PRMT8: variants seen among roughly 807,000 people sequenced by gnomAD.
The protein encoded by PRMT8 is protein arginine methyltransferase 8.
A neutral mutation model predicts 47.1 loss-of-function variants in PRMT8; 7 were observed. The observed-to-expected ratio is 0.15, with a 90% CI of 0.08 to 0.28. The LOEUF is 0.28. PRMT8 is among the 10% of genes least tolerant of loss of function. The pLI, the probability that PRMT8 is intolerant of heterozygous loss-of-function variation, is 1.00. For missense variants in PRMT8, 237 were observed against 505.4 expected (o/e 0.47, Z 5.09); for synonymous variants, 188 against 186.5 (o/e 1.01, Z -0.07).
chr12:3,592,829 C>T (rs771323691), intron 9 of PRMT8, among the ~76,000 whole-genome samples: 25 of 152,216 alleles, frequency 1.6e-4, no homozygotes, highest in Non-Finnish European at 1.6e-4. Context: ...CACTTAACCA[C>T]CCCAATCAGT....
intron 1 of PRMT8, among the ~76,000 whole-genome samples, chr12:3,437,764 G>A (rs1028539201): frequency 3.9e-5 from 6 of 151,944 alleles, no homozygotes; most frequent in Admixed American, 2.0e-4. Context: ...CCTTAGGGAT[G>A]TTCTCTAAGG....
At chr12:3,586,283 GC>G (rs931114114) in intron 8 of PRMT8, among the ~76,000 whole-genome samples, 11 of 152,138 alleles carry the variant, frequency 7.2e-5, no homozygotes. Context: ...GCTCTGGGCT[GC>G]CTGAAAGATG....
At chr12:3,454,920 C>A (rs967116813) in intron 1 of PRMT8, among the ~76,000 whole-genome samples, 2 of 152,176 alleles carry the variant, frequency 1.3e-5, no homozygotes, top group East Asian at 3.9e-4. Flanking sequence ...GAAATTACCA[C>A]GTCAGCTGGT....
At chr12:3,543,544 C>T (rs547925779) in intron 2 of PRMT8, among the ~76,000 whole-genome samples, 1 of 152,320 alleles carries the variant, frequency 6.6e-6, no homozygotes, top group South Asian at 2.1e-4. Context: ...CACCGGCCTG[C>T]TGATTAATAG....
At chr12:3,382,284 G>A (rs1271673719) in intron 1 of PRMT8, among the ~76,000 whole-genome samples, 1 of 152,194 alleles carries the variant, frequency 6.6e-6, no homozygotes, top group African/African-American at 2.4e-5. Flanking sequence ...GTTGTTGCAT[G>A]TGTGGTTTTT....
intron 1 of PRMT8, among the ~76,000 whole-genome samples, chr12:3,540,391 G>A (rs1020728734): frequency 2.0e-4 from 31 of 152,212 alleles, no homozygotes; most frequent in Admixed American, 1.8e-3. Flanking sequence ...ATCTAGGTGT[G>A]TGTGGCTCCT....
At chr12:3,458,577 T>A (rs529111242) in intron 1 of PRMT8, among the ~76,000 whole-genome samples, 1 of 152,362 alleles carries the variant, frequency 6.6e-6, no homozygotes, top group East Asian at 1.9e-4. Flanking sequence ...CAAAAGAGTT[T>A]ACATCTTGCT....
At chr12:3,567,941 CA>C (rs1337190361) in intron 4 of PRMT8, among the ~76,000 whole-genome samples, 1 of 152,072 alleles carries the variant, frequency 6.6e-6, no homozygotes, top group Non-Finnish European at 1.5e-5. Flanking sequence ...GGCGTGGTGG[CA>C]CATGCCTGTA....
intron 7 of PRMT8, among the ~76,000 whole-genome samples, chr12:3,577,383 A>G (rs374220670): frequency 6.6e-6 from 1 of 152,186 alleles, no homozygotes; most frequent in South Asian, 2.1e-4. Context: ...CTGTGTAATC[A>G]TCATCATGCT....
chr12:3,445,746 C>G (rs900927599), intron 1 of PRMT8, among the ~76,000 whole-genome samples: 3 of 152,212 alleles, frequency 2.0e-5, no homozygotes, highest in Non-Finnish European at 4.4e-5. Flanking sequence ...AAAGGAAATA[C>G]TCTCCAGTGG....
Position 3,570,857 on chromosome 12 carries a change from C to T in PRMT8, c.712+1293C>T, listed in dbSNP as rs1473193850. ...CCTCCAGCCAATCTGGTGTGATTTC[C>T]ACTATTTGACCTCCTGGGGGAAGGA... On this transcript the variant is annotated intron_variant, in intron 6 of 9. Coordinates refer to ENST00000382622, the MANE Select transcript of PRMT8 (RefSeq NM_019854.5). This position sits in a 1 kb window ranked among gnomAD's most constrained non-coding sequence, Gnocchi z 5.5. Among the ~76,000 whole-genome samples the T allele has an allele frequency of 6.6e-6, 1 of 152,154 alleles. No homozygotes were observed. The highest frequency in any genetic ancestry group is 1.5e-5 in the Non-Finnish European group (1 of 68,036).
At chr12:3,408,812 C>G (rs1864398560) in intron 1 of PRMT8, among the ~76,000 whole-genome samples, 1 of 152,072 alleles carries the variant, frequency 6.6e-6, no homozygotes. Flanking sequence ...GTAGTATAGC[C>G]CCTGTGCAGT....
intron 1 of PRMT8, among the ~76,000 whole-genome samples, chr12:3,394,613 C>T (rs1864229247): frequency 2.0e-5 from 3 of 152,256 alleles, no homozygotes; most frequent in Admixed American, 6.5e-5. Flanking sequence ...TTCATTCTGC[C>T]AGTATTTTAT....
At chr12:3,487,255 GGGA>G (rs1188857332), upstream of PRMT8, among the ~76,000 whole-genome samples, 4 of 151,798 alleles carry the variant, frequency 2.6e-5, no homozygotes, top group East Asian at 1.9e-4. Context: ...GAGGTCCCCT[GGGA>G]GGAGGAGGAG....
At chr12:3,389,371 G>A (rs964034814) in intron 1 of PRMT8, among the ~76,000 whole-genome samples, 2 of 152,048 alleles carry the variant, frequency 1.3e-5, no homozygotes, top group East Asian at 1.9e-4. Flanking sequence ...TTACATTCTC[G>A]TCCAGCCCTG....
At chr12:3,577,574 T>C (rs1174965092) in intron 7 of PRMT8, among the ~76,000 whole-genome samples, 4 of 152,164 alleles carry the variant, frequency 2.6e-5, no homozygotes, top group African/African-American at 9.7e-5. Flanking sequence ...CTAAACCAAG[T>C]GTGTCCAACC....
At chr12:3,402,819 T>C (rs1203402157) in intron 1 of PRMT8, among the ~76,000 whole-genome samples, 2 of 152,108 alleles carry the variant, frequency 1.3e-5, no homozygotes, top group East Asian at 1.9e-4. Context: ...CAAAAAACAA[T>C]AGATGCTGGT....
chr12:3,505,125 C>G (rs900849723), intron 1 of PRMT8, among the ~76,000 whole-genome samples: 1 of 148,930 alleles, frequency 6.7e-6, no homozygotes, highest in Non-Finnish European at 1.5e-5. Context: ...GAGATGAACC[C>G]GGTACCTCAG....
intron 1 of PRMT8, among the ~76,000 whole-genome samples, chr12:3,444,074 A>G (rs1483157343): frequency 6.6e-6 from 1 of 152,228 alleles, no homozygotes; most frequent in Non-Finnish European, 1.5e-5. Flanking sequence ...AAAAGTCTTC[A>G]TGCATTTCTG....
Sources: gnomAD v4.1 joint callset for allele counts (sites outside exome capture counted in the v4.1 genomes callset) on GRCh38, gnomAD v4.1.1 for gene constraint, Gnocchi (gnomAD v3.1) non-coding constraint, MANE v1.5 for transcripts, NCBI Gene and HGNC (gene_info 2026-07-23, HGNC 2026-07-21) for gene names.